IGSF11: variants seen among roughly 807,000 people sequenced by gnomAD.
IGSF11 encodes CXADR like 1.
IGSF11 carries 22 observed loss-of-function variants against 41.0 expected under a neutral mutation model. That is an observed-to-expected ratio of 0.54 (90% CI 0.38 to 0.77). The LOEUF is 0.77. Among genes scored for constraint, IGSF11 ranks in the 30% least tolerant of loss-of-function variants. The pLI is 0.00. For synonymous variants in IGSF11, 219 were observed against 201.3 expected (o/e 1.09, Z -0.74); for missense variants, 444 against 530.8 (o/e 0.84, Z 1.61).
intron 1 of IGSF11, among the ~76,000 whole-genome samples, chr3:119,120,218 C>T (rs1263216962): frequency 6.6e-6 from 1 of 152,162 alleles, no homozygotes; most frequent in Non-Finnish European, 1.5e-5. Flanking sequence ...CAGTTAGCCA[C>T]TAAATTATAC....
At chr3:119,105,800 T>C (rs2077013205), upstream of IGSF11, among the ~76,000 whole-genome samples, 1 of 152,142 alleles carries the variant, frequency 6.6e-6, no homozygotes, top group South Asian at 2.1e-4. Flanking sequence ...CAGCCTAGAT[T>C]CCTTTGGCCT....
intron 1 of IGSF11, among the ~76,000 whole-genome samples, chr3:119,094,686 T>G (rs901870425): frequency 3.2e-4 from 48 of 151,636 alleles, no homozygotes; most frequent in African/African-American, 1.1e-3. Context: ...TTTTTTTTTT[T>G]TTTAGACTGA....
At chr3:119,140,450 A>G (rs572007074) in intron 1 of IGSF11, among the ~76,000 whole-genome samples, 40 of 152,294 alleles carry the variant, frequency 2.6e-4, no homozygotes, top group Non-Finnish European at 5.0e-4. Flanking sequence ...AGCCCTAACA[A>G]CAGAACCCCA....
At chr3:118,983,272 T>A (rs1403391549) in intron 1 of IGSF11, 2 of 152,202 alleles carry the variant, frequency 1.3e-5, no homozygotes, top group South Asian at 2.1e-4. Flanking sequence ...ATTAATATCA[T>A]CTCCAGTTTA....
chr3:118,990,557 G>A (rs962721732), intron 1 of IGSF11, among the ~76,000 whole-genome samples: 4 of 152,106 alleles, frequency 2.6e-5, no homozygotes, highest in African/African-American at 9.7e-5. Flanking sequence ...AAAATCTTGG[G>A]TTTTAATAAT....
intron 1 of IGSF11, among the ~76,000 whole-genome samples, chr3:118,967,410 CT>C (rs1362325840): frequency 6.6e-6 from 1 of 152,112 alleles, no homozygotes; most frequent in East Asian, 1.9e-4. Context: ...TACATTAACT[CT>C]TCAAAACAAA....
intron 1 of IGSF11, among the ~76,000 whole-genome samples, chr3:118,974,475 TG>T (rs1229430652): frequency 1.3e-5 from 2 of 152,196 alleles, no homozygotes; most frequent in Non-Finnish European, 2.9e-5. Flanking sequence ...AACAGTCAGA[TG>T]TTACGAGAAG....
chr3:118,920,251 A>G (rs141305184), intron 4 of IGSF11, among the ~76,000 whole-genome samples: 8,962 of 140,202 alleles, frequency 0.064, 335 homozygotes, highest in South Asian at 0.21. Context: ...CCTAAAACTT[A>G]AAGTATAAAA....
chr3:119,083,470 T>C (rs970149577), intron 1 of IGSF11, among the ~76,000 whole-genome samples: 2 of 151,438 alleles, frequency 1.3e-5, no homozygotes, highest in Non-Finnish European at 2.9e-5. Flanking sequence ...ACTGACCTAA[T>C]TGATCTATAG....
At chr3:119,052,590 T>C (rs1194583151) in intron 1 of IGSF11, among the ~76,000 whole-genome samples, 1 of 151,766 alleles carries the variant, frequency 6.6e-6, no homozygotes, top group Non-Finnish European at 1.5e-5. Context: ...CCAATACTAA[T>C]GAAACTATTC....
intron 1 of IGSF11, among the ~76,000 whole-genome samples, chr3:119,098,926 A>G (rs1330259355): frequency 1.3e-5 from 2 of 151,590 alleles, no homozygotes; most frequent in East Asian, 1.9e-4. Context: ...TCAGAAAAAA[A>G]GTTTCAAAAC....
At chr3:119,065,652 G>T (rs1374596645) in intron 1 of IGSF11, among the ~76,000 whole-genome samples, 1 of 152,002 alleles carries the variant, frequency 6.6e-6, no homozygotes, top group Non-Finnish European at 1.5e-5. Flanking sequence ...AATTAGATGG[G>T]CATGGTGGTG....
chr3:119,078,295 G>T (rs1245004442), intron 1 of IGSF11, among the ~76,000 whole-genome samples: 1 of 152,140 alleles, frequency 6.6e-6, no homozygotes, highest in Non-Finnish European at 1.5e-5. Context: ...AACCAAAACA[G>T]CATGGTACTG....
chr3:118,984,002 G>T (rs1935003190), intron 1 of IGSF11, among the ~76,000 whole-genome samples: 1 of 151,980 alleles, frequency 6.6e-6, no homozygotes. Flanking sequence ...CTCTCCTCTA[G>T]AATTTATCAA....
At chr3:119,071,644 T>C (rs1018962258) in intron 1 of IGSF11, among the ~76,000 whole-genome samples, 1 of 152,192 alleles carries the variant, frequency 6.6e-6, no homozygotes, top group Non-Finnish European at 1.5e-5. Flanking sequence ...TATATGAGCA[T>C]ATATATAATT....
chr3:119,029,296 G>A (rs972783627), intron 1 of IGSF11, among the ~76,000 whole-genome samples: 3 of 150,946 alleles, frequency 2.0e-5, no homozygotes, highest in Non-Finnish European at 4.4e-5. Flanking sequence ...GAGAGAATGC[G>A]AGAGAGAGAG....
chr3:119,119,171 C>G (rs1349703753), intron 1 of IGSF11, among the ~76,000 whole-genome samples: 15 of 152,092 alleles, frequency 9.9e-5, no homozygotes. Context: ...TTCCTGGTAC[C>G]AATTTACTGT....
Position 118,995,194 on chromosome 3 carries a change from T to C in IGSF11, c.52+39337A>G, listed in dbSNP as rs80229005. On this transcript the variant is annotated intron_variant, in intron 1 of 6. Transcript: ENST00000393775. ...TCACCCTAGCCAATCATTTGCAGAA[T>C]GACGATTCACTAGAACAAGGGTTCT... Among the ~76,000 whole-genome samples the C allele has an allele frequency of 1.2e-3, 178 of 152,340 alleles. 2 individuals carry two copies. Among genetic ancestry groups the C allele is most frequent in the African/African-American group, 4.3e-3 (177 of 41,578 alleles).
At chr3:119,109,592 A>C (rs1240220680), upstream of IGSF11, among the ~76,000 whole-genome samples, 1 of 151,860 alleles carries the variant, frequency 6.6e-6, no homozygotes, top group Non-Finnish European at 1.5e-5. Flanking sequence ...TATTTCCTTC[A>C]GTTCTGCTCT....
Sources: allele counts gnomAD v4.1 joint callset (sites outside exome capture counted in the v4.1 genomes callset), GRCh38; gene constraint gnomAD v4.1.1; transcripts MANE v1.5; gene names NCBI Gene and HGNC (gene_info 2026-07-23, HGNC 2026-07-21).